The following PGM5 variants were observed in gnomAD, a reference collection of about 807,000 sequenced individuals.
PGM5 encodes the protein phosphoglucomutase-like protein 5.
PGM5 carries 23 observed loss-of-function variants against 59.2 expected under a neutral mutation model. The observed-to-expected ratio is 0.39, with a 90% confidence interval of 0.28 to 0.55. The LOEUF (loss-of-function observed/expected upper bound fraction) is 0.55. Ranked by LOEUF, PGM5 falls within the 20% of genes least tolerant of loss-of-function variation. PGM5 has a pLI of 0.66. For synonymous variants in PGM5, 214 were observed against 286.0 expected (o/e 0.75, Z 2.54); for missense variants, 574 against 748.3 (o/e 0.77, Z 2.72).
chr9:68,405,326 A>C (rs1554681014), intron 6 of PGM5: 2 of 152,322 alleles, frequency 1.3e-5, no homozygotes, highest in African/African-American at 4.8e-5. Context: ...CCAAAGCAAG[A>C]TCTTTCTTTT....
chr9:68,375,626 ATTTT>A (rs1401357139), intron 1 of PGM5, among the ~76,000 whole-genome samples: 2 of 152,224 alleles, frequency 1.3e-5, no homozygotes, highest in African/African-American at 2.4e-5. Context: ...TGCCAGATTT[ATTTT>A]AAGTTCTTGG....
intron 6 of PGM5, chr9:68,399,016 T>C (rs1294159282): frequency 2.0e-5 from 3 of 152,222 alleles, no homozygotes; most frequent in Non-Finnish European, 4.4e-5. Context: ...ATTGTGTATA[T>C]ATTTTTTGCA....
intron 9 of PGM5, among the ~76,000 whole-genome samples, chr9:68,485,224 C>T (rs10868922): frequency 1.3e-5 from 2 of 152,130 alleles, no homozygotes; most frequent in Non-Finnish European, 2.9e-5. Flanking sequence ...GCCAGTTCTG[C>T]AACTGTATCT....
At position 68,356,737 on chromosome 9, in the gene PGM5, A is replaced by T. The variant is rs1465021774; in HGVS notation, c.-391A>T. On this transcript the variant is annotated 5_prime_UTR_variant, in exon 1 of 11. Coordinates refer to ENST00000396396, the MANE Select transcript of PGM5 (RefSeq NM_021965.4). ...CCCCGGAGGGCGGCGATCGCGGGTGAAGGCTGGGGCCAGGCGCGGGTGGAG... is the reference window on the plus strand; with the variant it reads ...CCCCGGAGGGCGGCGATCGCGGGTGTAGGCTGGGGCCAGGCGCGGGTGGAG... Among the ~76,000 whole-genome samples, 1 of 152,122 alleles carries T rather than the reference A, an allele frequency of 6.6e-6. No individual in the cohort carries two copies. The highest frequency in any genetic ancestry group is 1.5e-5 in the Non-Finnish European group (1 of 68,028).
In PGM5 at chr9:68,530,671, T is replaced by G. The variant is rs1825066366; in HGVS notation, c.*1015T>G. On this transcript the variant is annotated 3_prime_UTR_variant, in exon 11 of 11. Coordinates refer to ENST00000396396, the MANE Select transcript of PGM5 (RefSeq NM_021965.4). ...AAGTGGAAGCTGGAAGAAAATGTAATTGGTGGTACAGCTATGGGCCAGATG... is the reference window on the plus strand; with the variant it reads ...AAGTGGAAGCTGGAAGAAAATGTAAGTGGTGGTACAGCTATGGGCCAGATG... 6.6e-6 allele frequency: 1 copy of G among 152,210 alleles called. No homozygotes were observed. Among genetic ancestry groups the G allele is most frequent in the African/African-American group, 2.4e-5 (1 of 41,430 alleles). The allele number at this position is 152,210 out of a possible 1,614,324, so 9.4% of individuals were successfully genotyped here.
chr9:68,485,026 G>A (rs782682846), intron 9 of PGM5, among the ~76,000 whole-genome samples: 11 of 152,102 alleles, frequency 7.2e-5, no homozygotes, highest in East Asian at 1.9e-4. Flanking sequence ...AGGAAGGCTC[G>A]GAAACCATTC....
intron 6 of PGM5, among the ~76,000 whole-genome samples, chr9:68,459,297 AC>A (rs1823823649): frequency 6.6e-6 from 1 of 152,188 alleles, no homozygotes; most frequent in Non-Finnish European, 1.5e-5. Flanking sequence ...CCGTGTAACT[AC>A]CATCTGGATC....
chr9:68,504,835 A>T (rs782594624), intron 10 of PGM5, among the ~76,000 whole-genome samples: 4 of 152,196 alleles, frequency 2.6e-5, no homozygotes, highest in Non-Finnish European at 4.4e-5. Flanking sequence ...TAAATGCCCA[A>T]CGCAGTTTTG....
At chr9:68,434,354 G>GA (rs1351916199) in intron 6 of PGM5, among the ~76,000 whole-genome samples, 1 of 144,814 alleles carries the variant, frequency 6.9e-6, no homozygotes, top group South Asian at 2.2e-4. Flanking sequence ...AAGAAAAAAA[G>GA]AAAAAAATGT....
chr9:68,395,628 A>C (rs1554679905), intron 6 of PGM5: 4 of 152,172 alleles, frequency 2.6e-5, no homozygotes, highest in African/African-American at 9.7e-5. Flanking sequence ...TGTATTTCAT[A>C]ATTTTTAATG....
chr9:68,393,001 C>T (rs1426802963), intron 6 of PGM5, among the ~76,000 whole-genome samples: 13 of 152,104 alleles, frequency 8.5e-5, no homozygotes, highest in African/African-American at 2.7e-4. Context: ...AAGAATGAAA[C>T]GAGACAGTGC....
At chr9:68,499,081 T>C (rs1326847883) in intron 9 of PGM5, 146 bp from the exon 10 acceptor site, 4 of 796,820 alleles carry the variant, frequency 5.0e-6, no homozygotes, top group Non-Finnish European at 8.2e-6. Context: ...ATTCATTACA[T>C]GCCCTGTATC....
intron 7 of PGM5, among the ~76,000 whole-genome samples, chr9:68,473,242 T>G (rs1412951040): frequency 6.6e-6 from 1 of 152,130 alleles, no homozygotes; most frequent in Non-Finnish European, 1.5e-5. Context: ...GAAAAAAGGA[T>G]GAGAAGGCTG....
intron 1 of PGM5, among the ~76,000 whole-genome samples, chr9:68,363,420 A>G (rs1187030864): frequency 6.6e-6 from 1 of 152,298 alleles, no homozygotes; most frequent in Non-Finnish European, 1.5e-5. Context: ...ACCATACTGG[A>G]CAGCAAAGAC....
chr9:68,490,209 G>A (rs1177547170), intron 9 of PGM5, among the ~76,000 whole-genome samples: 1 of 152,206 alleles, frequency 6.6e-6, no homozygotes, highest in Non-Finnish European at 1.5e-5. Flanking sequence ...GCTCACTAAG[G>A]TGTTGTCCCC....
intron 10 of PGM5, among the ~76,000 whole-genome samples, chr9:68,523,331 T>C (rs768393230): frequency 1.3e-5 from 2 of 152,128 alleles, no homozygotes; most frequent in East Asian, 1.9e-4. Flanking sequence ...TGGGAAGCTG[T>C]TGGAAATGTC....
rs373859763 is a variant in PGM5 at position 68,357,221 on chromosome 9, G to T, written c.94G>T (p.Gly32Cys). The T allele has an allele frequency of 3.2e-6, 5 of 1,540,946 alleles. No homozygotes were observed. The African/African-American group carries it at 5.5e-5, about 17-fold the overall frequency. ...AGGGGLRRPT[G>C]LFEGQRNYLP... is the part of the protein sequence containing the mutation. ...CGGCGGGGGTCTGCGGCGACCCACC[G>T]GCCTCTTCGAGGGCCAGCGCAACTA... The change falls in exon 1 of 11, where the codon GGC becomes TGC. Residue 32 changes from glycine to cysteine, a missense_variant. By Grantham distance (159) the Gly-to-Cys change is radical. Coordinates refer to ENST00000396396, the MANE Select transcript of PGM5 (RefSeq NM_021965.4).
chr9:68,520,284 A>G (rs905973004), intron 10 of PGM5, among the ~76,000 whole-genome samples: 1 of 152,042 alleles, frequency 6.6e-6, no homozygotes. Context: ...CTTCAAACTG[A>G]TAAAAGAGTT....
Position 68,465,160 on chromosome 9 carries a change from A to T in PGM5, c.1111A>T (p.Met371Leu). The T allele has an allele frequency of 1.2e-6, 2 of 1,613,520 alleles. No homozygotes were observed. The highest frequency in any genetic ancestry group is 4.5e-5 in the East Asian group (2 of 44,870). The change falls in exon 7 of 11, where the codon ATG (methionine) becomes TTG (leucine). Residue 371 changes from methionine (M) to leucine (L), a missense_variant. Physicochemically the swap from Met to Leu is conservative, Grantham distance 15. Around this residue, in one of 7 missense-constraint regions of PGM5, gnomAD observed 300 missense variants for 280.0 expected, o/e 1.07. Coordinates refer to ENST00000396396, the MANE Select transcript of PGM5 (RefSeq NM_021965.4). ...PAGWRFFSNL[M>L]DSGRCNLCGE... ...TGGATGGAGATTCTTCTCAAATCTG[A>T]TGGACTCAGGACGTTGCAATCTGTG...
Sources: allele counts gnomAD v4.1 joint callset (sites outside exome capture counted in the v4.1 genomes callset), GRCh38; gene constraint gnomAD v4.1.1; regional missense constraint gnomAD v4.1.1; transcripts MANE v1.5; gene names NCBI Gene and HGNC (gene_info 2026-07-23, HGNC 2026-07-21).